Variants in DSE observed in about 807,000 individuals in gnomAD.
DSE encodes dermatan sulfate epimerase.
In DSE, 36 loss-of-function variants were observed where a neutral mutation model predicts 84.4. That is an observed-to-expected ratio of 0.43 (90% CI 0.33 to 0.56). DSE has a LOEUF of 0.56. Among genes scored for constraint, DSE ranks in the 20% least tolerant of loss-of-function variants. DSE has a pLI of 0.06. For missense variants in DSE, 862 were observed against 1,169.6 expected, an observed-to-expected ratio of 0.74 and a Z score of 3.84; for synonymous variants, 410 against 430.1, an observed-to-expected ratio of 0.95 and a Z score of 0.58.
At chr6:116,408,530 A>G (rs1012034591) in intron 2 of DSE, among the ~76,000 whole-genome samples, 5 of 152,194 alleles carry the variant, frequency 3.3e-5, no homozygotes, top group Admixed American at 6.5e-5. Flanking sequence ...CTGGATCTGT[A>G]TACAACTTTG....
At chr6:116,375,586 G>A (rs555619819) in intron 1 of DSE, 1 of 979,330 alleles carries the variant, frequency 1.0e-6, no homozygotes, top group African/African-American at 1.7e-5. Context: ...TTCTAGTTAT[G>A]TATAGAAGAG....
At chr6:116,350,592 G>A (rs964720790) in intron 2 of DSE, among the ~76,000 whole-genome samples, 1 of 152,046 alleles carries the variant, frequency 6.6e-6, no homozygotes. Context: ...TGACACAATT[G>A]TCTATTCTTT....
In DSE at chr6:116,438,463, T is replaced by C. The variant is rs1309573901; in HGVS notation, c.*1118T>C. 3 of 152,278 alleles carry C rather than the reference T, an allele frequency of 2.0e-5. No individual in the cohort carries two copies. Among genetic ancestry groups the C allele is most frequent in the African/African-American group, 7.2e-5 (3 of 41,578 alleles). The allele number at this position is 152,278 out of a possible 1,614,324, so 9.4% of individuals were successfully genotyped here. Reference sequence around the variant, plus strand: ...TTGTTGTTTAAGCATATTTTAAATATTTAAAACAATAGCCAATTCTGATAT... The same window carrying C: ...TTGTTGTTTAAGCATATTTTAAATACTTAAAACAATAGCCAATTCTGATAT... On this transcript the variant is annotated 3_prime_UTR_variant, in exon 6 of 6. Coordinates refer to ENST00000644252, the MANE Select transcript of DSE (RefSeq NM_013352.4).
At chr6:116,394,542 C>T (rs1426387704) in intron 1 of DSE, among the ~76,000 whole-genome samples, 1 of 151,988 alleles carries the variant, frequency 6.6e-6, no homozygotes, top group Non-Finnish European at 1.5e-5. Context: ...CTCAAGCAAT[C>T]CTCCTGCCTC....
At chr6:116,374,625 A>G (rs1419020561) in intron 1 of DSE, among the ~76,000 whole-genome samples, 2 of 152,158 alleles carry the variant, frequency 1.3e-5, no homozygotes, top group Non-Finnish European at 2.9e-5. Flanking sequence ...TATGGAGCCC[A>G]AGTCCGAGGT....
intron 2 of DSE, among the ~76,000 whole-genome samples, chr6:116,332,125 A>G (rs80116222): frequency 0.012 from 1,878 of 152,326 alleles, 46 homozygotes; most frequent in African/African-American, 0.043. Flanking sequence ...TTTCATTTCT[A>G]TGATGAGCAA....
At chr6:116,292,913 GA>G (rs1489268276) in intron 2 of DSE, among the ~76,000 whole-genome samples, 1 of 152,160 alleles carries the variant, frequency 6.6e-6, no homozygotes, top group African/African-American at 2.4e-5. Flanking sequence ...ATAAATGCAA[GA>G]AATATTAAGA....
Position 116,342,482 on chromosome 6 carries a change from T to C in DSE, c.-53-56716T>C, listed in dbSNP as rs183365941. ...TGTTTAGTAGAGATGGGTTTCACCA[T>C]GTTGGCCAGGCTGGTCTTAAACTCC... is the stretch of plus-strand genomic sequence containing the variant. On this transcript the variant is annotated intron_variant, in intron 2 of 3. Coordinates refer to the DSE transcript ENST00000430252. 1.4e-3 allele frequency among the ~76,000 whole-genome samples: 206 copies of C among 152,160 alleles called. 1 individual carries two copies. Among genetic ancestry groups the C allele is most frequent in the African/African-American group, 4.6e-3 (192 of 41,532 alleles).
intron 2 of DSE, among the ~76,000 whole-genome samples, chr6:116,324,490 T>G (rs1320882114): frequency 6.6e-6 from 1 of 152,174 alleles, no homozygotes; most frequent in African/African-American, 2.4e-5. Flanking sequence ...ATTGACTCCA[T>G]GAGTTTTAGA....
At chr6:116,280,514 C>T (rs1199861470) in intron 2 of DSE, among the ~76,000 whole-genome samples, 7 of 152,186 alleles carry the variant, frequency 4.6e-5, no homozygotes, top group Non-Finnish European at 8.8e-5. Flanking sequence ...AGAAATTAAG[C>T]CAGGATCAGT....
chr6:116,426,256 C>G (rs1783443210), intron 2 of DSE, among the ~76,000 whole-genome samples: 2 of 152,050 alleles, frequency 1.3e-5, no homozygotes, highest in South Asian at 4.1e-4. Flanking sequence ...AGAATTTTGC[C>G]CTGCCAACAC....
Position 116,350,211 on chromosome 6 carries a change from C to G in DSE, c.-53-48987C>G, listed in dbSNP as rs533954197. On this transcript the variant is annotated intron_variant, in intron 2 of 3. Coordinates refer to the DSE transcript ENST00000430252. ...GATAGTAAGAAAACTGAAAAGTGAT[C>G]AGGCCATTTCGTATGCCTTAATAAA... Among the ~76,000 whole-genome samples the G allele has an allele frequency of 2.2e-4, 34 of 152,182 alleles. 1 individual carries two copies. In the East Asian group the frequency reaches 6.2e-3, roughly 28 times the overall value.
chr6:116,289,893 T>C (rs1330837589), intron 2 of DSE, among the ~76,000 whole-genome samples: 1 of 152,096 alleles, frequency 6.6e-6, no homozygotes, highest in African/African-American at 2.4e-5. Context: ...GTTTTAAAAA[T>C]GTGACAGGTT....
intron 1 of DSE, among the ~76,000 whole-genome samples, chr6:116,257,873 C>A (rs565028039): frequency 1.3e-5 from 2 of 152,134 alleles, no homozygotes; most frequent in Non-Finnish European, 2.9e-5. Flanking sequence ...GGGACAAAAA[C>A]ACTCAGTCTA....
Position 116,435,942 on chromosome 6 carries a change from A to G in DSE, c.1474A>G (p.Lys492Glu), listed in dbSNP as rs1456885837. ...TTTGATGTTTTCCCCAGCTGTGTCA[A>G]AGAGCTGCTTTTCTCCCTGGGTGGG... is the stretch of plus-strand genomic sequence containing the variant. The part of the protein sequence containing the change: ...NVLMFSPAVS[K>E]SCFSPWVGQV... Residue 492 changes from lysine to glutamate, a missense_variant, in exon 6 of 6, where the codon AAG becomes GAG. Physicochemically the swap from Lys to Glu is moderately conservative, Grantham distance 56. Around this residue, in one of 4 missense-constraint regions of DSE, gnomAD observed 186 missense variants for 255.1 expected, o/e 0.73. Coordinates refer to ENST00000644252, the MANE Select transcript of DSE (RefSeq NM_013352.4). 6.2e-7 allele frequency: 1 copy of G among 1,614,146 alleles called. No homozygotes were observed. The highest frequency in any genetic ancestry group is 1.7e-5 in the Admixed American group (1 of 60,014).
intron 2 of DSE, among the ~76,000 whole-genome samples, chr6:116,325,476 A>G (rs954662507): frequency 4.6e-5 from 7 of 152,152 alleles, no homozygotes; most frequent in Non-Finnish European, 1.0e-4. Flanking sequence ...ATTTGTTTTT[A>G]TCTTCTATCT....
chr6:116,286,998 A>G (rs1316065292), intron 2 of DSE, among the ~76,000 whole-genome samples: 1 of 152,132 alleles, frequency 6.6e-6, no homozygotes, highest in East Asian at 1.9e-4. Flanking sequence ...GCATGTGTGT[A>G]TCCGGTTATT....
At chr6:116,383,326 G>A (rs895926437) in intron 1 of DSE, among the ~76,000 whole-genome samples, 2 of 152,126 alleles carry the variant, frequency 1.3e-5, no homozygotes, top group African/African-American at 2.4e-5. Context: ...AGTAGCTAGG[G>A]GGACTCAGGC....
rs996062620 is a variant in DSE at position 116,436,193 on chromosome 6, A to G, written c.1725A>G (p.Gly575=). ...TCCTTGTAGACCAAATACACCTGGGAGAGGAGAGTCCCTTGGAGACAGCAG... is the reference window on the plus strand; with the variant it reads ...TCCTTGTAGACCAAATACACCTGGGGGAGGAGAGTCCCTTGGAGACAGCAG... ...LLLLVDQIHL[G]EESPLETAAS... is the part of the protein sequence containing the mutation. The change falls in exon 6 of 6, where the codon GGA becomes GGG. Residue 575 remains glycine, a synonymous_variant. Coordinates refer to ENST00000644252, the MANE Select transcript of DSE (RefSeq NM_013352.4). 1 of 1,613,700 alleles carries G rather than the reference A, an allele frequency of 6.2e-7. No individual in the cohort carries two copies.
Sources: gnomAD v4.1 joint callset for allele counts (sites outside exome capture counted in the v4.1 genomes callset) on GRCh38, gnomAD v4.1.1 for gene constraint, gnomAD v4.1.1 regional missense constraint, MANE v1.5 for transcripts, NCBI Gene and HGNC (gene_info 2026-07-23, HGNC 2026-07-21) for gene names.